Variants in HMGB1 observed in about 807,000 individuals in gnomAD.
The protein encoded by HMGB1 is high mobility group protein B1.
For missense variants in HMGB1, 79 were observed against 253.5 expected (o/e 0.31, Z 4.67); for synonymous variants, 81 against 84.0 (o/e 0.96, Z 0.19).
chr13:30,609,207 G>A (rs1317234217), intron 1 of HMGB1, among the ~76,000 whole-genome samples: 2 of 152,166 alleles, frequency 1.3e-5, no homozygotes, highest in Non-Finnish European at 2.9e-5. Context: ...AGCTTGCAGT[G>A]AGCCATTGCG....
In HMGB1 at chr13:30,460,733, C is replaced by G. The variant is rs893645267; in HGVS notation, c.*624G>C. 7 of 153,126 alleles carry G rather than the reference C, an allele frequency of 4.6e-5. No individual in the cohort carries two copies. The highest frequency in any genetic ancestry group is 3.9e-4 in the Admixed American group (6 of 15,246). The allele number at this position is 153,126 out of a possible 1,614,324, so 9.5% of individuals were successfully genotyped here. A position where few individuals can be genotyped will look rare whatever the true frequency, so the allele number is the denominator to read the frequency against. ...AAAACTATCTCAACTTAACTTTACCCCCATTATGATATGCAGGGTGTGTAG... is the reference window on the plus strand; with the variant it reads ...AAAACTATCTCAACTTAACTTTACCGCCATTATGATATGCAGGGTGTGTAG... On this transcript the variant is annotated 3_prime_UTR_variant, in exon 5 of 5. Transcript: ENST00000341423.
intron 1 of HMGB1, among the ~76,000 whole-genome samples, chr13:30,583,655 A>G (rs1454988355): frequency 6.6e-6 from 1 of 151,470 alleles, no homozygotes; most frequent in Non-Finnish European, 1.5e-5. Flanking sequence ...CCTGGCCAAC[A>G]TGGTGAAACC....
chr13:30,521,542 G>A (rs1437950510), intron 1 of HMGB1, among the ~76,000 whole-genome samples: 1 of 152,112 alleles, frequency 6.6e-6, no homozygotes, highest in African/African-American at 2.4e-5. Flanking sequence ...TGTAGTATAT[G>A]AGCCCTTCAT....
intron 1 of HMGB1, among the ~76,000 whole-genome samples, chr13:30,585,970 G>C (rs906974507): frequency 3.9e-5 from 6 of 152,098 alleles, no homozygotes. Context: ...ATCTGGCATC[G>C]GTTCTCAGTA....
At chr13:30,566,566 G>C (rs1336295775) in intron 1 of HMGB1, among the ~76,000 whole-genome samples, 1 of 152,102 alleles carries the variant, frequency 6.6e-6, no homozygotes, top group Non-Finnish European at 1.5e-5. Context: ...ACCATTTTTA[G>C]CCTGTAGGCC....
At chr13:30,465,030 G>A (rs1395701479) in intron 1 of HMGB1, 2 of 368,034 alleles carry the variant, frequency 5.4e-6, no homozygotes, top group Non-Finnish European at 7.3e-6. Flanking sequence ...CCCCCGCACG[G>A]AGAACGCGGG....
intron 1 of HMGB1, among the ~76,000 whole-genome samples, chr13:30,486,826 A>G (rs192317818): frequency 1.1e-3 from 167 of 152,264 alleles, no homozygotes; most frequent in African/African-American, 3.8e-3. Flanking sequence ...TTGGGGTGAC[A>G]TTTACAAATG....
intron 1 of HMGB1, among the ~76,000 whole-genome samples, chr13:30,551,871 A>G (rs1869443412): frequency 6.6e-6 from 1 of 151,820 alleles, no homozygotes; most frequent in African/African-American, 2.4e-5. Context: ...ATGCCTGGCT[A>G]TTTAATATTG....
chr13:30,459,781 T>C lies in HMGB1; in HGVS notation c.*1576A>G, dbSNP rs2137385701. On this transcript the variant is annotated 3_prime_UTR_variant, in exon 5 of 5. Transcript: ENST00000341423. ...TTTAAAAGGTACTGCTAAGAGGTAT[T>C]ATTAGAAACAAGATTTAAAAATATG... 6.6e-6 allele frequency: 1 copy of C among 152,362 alleles called. No individual in the cohort carries two copies. The highest frequency in any genetic ancestry group is 2.1e-4 in the South Asian group (1 of 4,826). 9.4% of individuals were successfully genotyped at this position (152,362 alleles called of 1,614,324 possible). A position where few individuals can be genotyped will look rare whatever the true frequency, so the allele number is the denominator to read the frequency against.
At chr13:30,498,956 G>T (rs1359944390) in intron 1 of HMGB1, among the ~76,000 whole-genome samples, 154 of 140,944 alleles carry the variant, frequency 1.1e-3, no homozygotes, top group African/African-American at 3.9e-3. Context: ...CCTCTTTTTT[G>T]TTTTTTTTTT....
At chr13:30,501,266 A>G (rs1006695836) in intron 1 of HMGB1, among the ~76,000 whole-genome samples, 4 of 152,238 alleles carry the variant, frequency 2.6e-5, no homozygotes, top group Admixed American at 2.0e-4. Flanking sequence ...GGAAGTATCT[A>G]TGGATAGCTC....
intron 1 of HMGB1, among the ~76,000 whole-genome samples, chr13:30,614,873 ATT>A (rs34422229): frequency 1.6e-4 from 19 of 116,058 alleles, no homozygotes; most frequent in Admixed American, 2.6e-4. Flanking sequence ...TAATTTTTGT[ATT>A]TTTTTTTTTT....
At chr13:30,591,588 G>A (rs910802433) in intron 1 of HMGB1, among the ~76,000 whole-genome samples, 1 of 150,038 alleles carries the variant, frequency 6.7e-6, no homozygotes, top group Admixed American at 6.7e-5. Context: ...TTGGCTCACT[G>A]CAACCTCTGC....
At position 30,483,302 on chromosome 13, in the gene HMGB1, G is replaced by A. The variant is rs767880384; in HGVS notation, c.-14-19608C>T. 2.6e-4 allele frequency among the ~76,000 whole-genome samples: 39 copies of A among 152,084 alleles called. 1 individual carries two copies. Among genetic ancestry groups the A allele is most frequent in the East Asian group, 5.8e-4 (3 of 5,166 alleles). The stretch of plus-strand genomic sequence containing the variant: ...TGCTCATCATTAAAACTTCCTCTGG[G>A]GGTCCTCTCACTCAGTTGCCCGGCC... On this transcript the variant is annotated intron_variant, in intron 1 of 4. Coordinates refer to the HMGB1 transcript ENST00000405805.
Position 30,559,414 on chromosome 13 carries a change from C to T in HMGB1, c.-15+57257G>A, listed in dbSNP as rs1226730165. Among the ~76,000 whole-genome samples the T allele has an allele frequency of 6.6e-6, 1 of 152,174 alleles. No homozygotes were observed. Among genetic ancestry groups the T allele is most frequent in the Non-Finnish European group, 1.5e-5 (1 of 68,044 alleles). ...CATTGCTGGTTTACTAGTTTTGCTT[C>T]CTTGGGCAGTGAATTTAAATAACCT... On this transcript the variant is annotated intron_variant, in intron 1 of 4. Transcript: ENST00000405805. This position sits in a 1 kb window ranked among gnomAD's most constrained non-coding sequence, Gnocchi z 6.6.
chr13:30,555,249 G>GGATGGTCTCGTTCT, intron 1 of HMGB1, among the ~76,000 whole-genome samples: 1 of 151,484 alleles, frequency 6.6e-6, no homozygotes, highest in South Asian at 2.1e-4. Flanking sequence ...CACCGTGTTC[G>GGATGGTCTCGTTCT]CCAGGATGGT....
At chr13:30,470,333 C>G (rs902671612), upstream of HMGB1, among the ~76,000 whole-genome samples, 35 of 152,192 alleles carry the variant, frequency 2.3e-4, no homozygotes, top group African/African-American at 8.0e-4. Context: ...ATCTTTAGAT[C>G]TAAAAGCATT....
intron 1 of HMGB1, chr13:30,539,658 G>T: frequency 3.7e-6 from 1 of 271,030 alleles, no homozygotes; most frequent in Non-Finnish European, 6.8e-6. Context: ...ATTGGTCCTG[G>T]AGTCTTCATG....
At chr13:30,527,205 G>T (rs1335763545) in intron 1 of HMGB1, among the ~76,000 whole-genome samples, 1 of 152,216 alleles carries the variant, frequency 6.6e-6, no homozygotes. Flanking sequence ...AAATGGAATG[G>T]GACCTGCCTG....
Sources: gnomAD v4.1 joint callset for allele counts (sites outside exome capture counted in the v4.1 genomes callset) on GRCh38, gnomAD v4.1.1 for gene constraint, Gnocchi (gnomAD v3.1) non-coding constraint, MANE v1.5 for transcripts, NCBI Gene and HGNC (gene_info 2026-07-23, HGNC 2026-07-21) for gene names.